HPS1: variants seen among roughly 807,000 people sequenced by gnomAD.
HPS1 encodes the protein BLOC-3 complex member HPS1.
In HPS1, 59 loss-of-function variants were observed where a neutral mutation model predicts 90.6. That is an observed-to-expected ratio of 0.65 (90% CI 0.53 to 0.81). The LOEUF (loss-of-function observed/expected upper bound fraction) is 0.81, where lower values mean the gene tolerates loss of function less well. Ranked by LOEUF, HPS1 falls within the 30% of genes least tolerant of loss-of-function variation. The pLI is 0.00. For synonymous variants in HPS1, 388 were observed against 384.4 expected (o/e 1.01, Z -0.11); for missense variants, 849 against 896.7 (o/e 0.95, Z 0.68).
chr10:98,440,416 G>A (rs1326526271), intron 3 of HPS1, among the ~76,000 whole-genome samples: 2 of 151,992 alleles, frequency 1.3e-5, no homozygotes, highest in Non-Finnish European at 2.9e-5. Flanking sequence ...GTTAAATAAA[G>A]GATGATACAC....
intron 2 of HPS1, among the ~76,000 whole-genome samples, chr10:98,443,759 G>A (rs10883096): frequency 0.12 from 18,626 of 152,174 alleles, 1,424 homozygotes; most frequent in African/African-American, 0.21. Flanking sequence ...AGGGCTGGGC[G>A]CGGTGGCTCA....
chr10:98,436,351 C>G (rs979677436), intron 3 of HPS1, among the ~76,000 whole-genome samples: 1 of 152,144 alleles, frequency 6.6e-6, no homozygotes, highest in Non-Finnish European at 1.5e-5. Flanking sequence ...GAAAATTCCT[C>G]TGATACAATG....
rs911131258 is a variant in HPS1, at chr10:98,422,182, G to A, written c.1743+187C>T. Among the ~76,000 whole-genome samples, 8 of 152,312 alleles carry A rather than the reference G, an allele frequency of 5.3e-5. No homozygotes were observed. The East Asian group carries it at 1.2e-3, about 22-fold the overall frequency. The stretch of plus-strand genomic sequence containing the variant: ...TGATGCCCAACTGATGGACCTTGCC[G>A]TTCTCTCCATTCTAGCTCATTCAAC... On this transcript the variant is annotated intron_variant, in intron 17 of 19. Transcript: ENST00000361490.
chr10:98,422,521 T>A lies in HPS1; in HGVS notation c.1599-8A>T. On this transcript the variant is annotated splice_region_variant and splice_polypyrimidine_tract_variant and intron_variant, in intron 16 of 19. Transcript: ENST00000361490. ...GGGAAGTCTTCTAGGTAGGTGAAGG[T>A]CTGAGTTAAGGTGCTTACAAGCCAG... 6.2e-7 allele frequency: 1 copy of A among 1,613,828 alleles called. No individual in the cohort carries two copies. The highest frequency in any genetic ancestry group is 8.5e-7 in the Non-Finnish European group (1 of 1,179,946).
chr10:98,421,232 A>C (rs1177929380), intron 17 of HPS1, among the ~76,000 whole-genome samples: 1 of 152,256 alleles, frequency 6.6e-6, no homozygotes, highest in Non-Finnish European at 1.5e-5. Context: ...TCAGGAAAGT[A>C]ATTTGACAAC....
intron 6 of HPS1, among the ~76,000 whole-genome samples, chr10:98,432,616 G>C (rs185206172): frequency 6.6e-6 from 1 of 152,020 alleles, no homozygotes; most frequent in Non-Finnish European, 1.5e-5. Context: ...ATATCTGTAC[G>C]TGTTCTTTTT....
At chr10:98,446,186 C>T (rs1049209931) in intron 1 of HPS1, among the ~76,000 whole-genome samples, 1 of 151,776 alleles carries the variant, frequency 6.6e-6, no homozygotes, top group African/African-American at 2.4e-5. Context: ...ACTGCTGTTA[C>T]GAGTTCGGCC....
intron 1 of HPS1, among the ~76,000 whole-genome samples, chr10:98,446,219 G>A (rs1443408326): frequency 2.0e-5 from 3 of 152,176 alleles, no homozygotes; most frequent in Non-Finnish European, 2.9e-5. Context: ...ACCCTGAGAC[G>A]GGCTCCATCA....
Position 98,443,136 on chromosome 10 carries a change from A to T in HPS1, c.105T>A (p.Asn35Lys). The T allele has an allele frequency of 6.2e-7, 1 of 1,612,488 alleles. No individual in the cohort carries two copies. The highest frequency in any genetic ancestry group is 2.2e-5 in the East Asian group (1 of 44,846). The change falls in exon 3 of 20, where the codon AAT (asparagine) becomes AAA (lysine). Residue 35 changes from asparagine to lysine, a missense_variant. Coordinates refer to ENST00000361490, the MANE Select transcript of HPS1 (RefSeq NM_000195.5). ...SLRLKFGQSE[N>K]EEEELPALED... is the part of the protein sequence containing the mutation. ...ACCCTGCACTCACCTCTTCTTCCTC[A>T]TTCTCTGACTGCCCGAACTTCAGCC...
At chr10:98,418,953 G>A (rs1265729559) in intron 18 of HPS1, among the ~76,000 whole-genome samples, 1 of 152,230 alleles carries the variant, frequency 6.6e-6, no homozygotes, top group Non-Finnish European at 1.5e-5. Flanking sequence ...CACTTCTGAG[G>A]GCACGGAGGA....
chr10:98,428,882 C>T (rs1335789749), intron 10 of HPS1, among the ~76,000 whole-genome samples: 3 of 151,392 alleles, frequency 2.0e-5, no homozygotes, highest in African/African-American at 7.3e-5. Context: ...TGCTCTGTCG[C>T]CCAGGCTGGA....
chr10:98,426,197 C>T (rs1845583452), intron 11 of HPS1: 1 of 567,024 alleles, frequency 1.8e-6, no homozygotes, highest in Admixed American at 3.1e-5. Flanking sequence ...TGCCCAGAGT[C>T]TGGCCCGGGT....
intron 10 of HPS1, 80 bp downstream of exon 10, chr10:98,429,493 T>C: frequency 6.2e-7 from 1 of 1,610,586 alleles, no homozygotes; most frequent in Non-Finnish European, 8.5e-7. Flanking sequence ...GGGGGTCCAC[T>C]GGAGCCTAAG....
intron 6 of HPS1, among the ~76,000 whole-genome samples, chr10:98,431,718 CA>C (rs1385174433): frequency 6.6e-6 from 1 of 152,050 alleles, no homozygotes; most frequent in African/African-American, 2.4e-5. Flanking sequence ...ACTGCATATT[CA>C]GAGGCCATGA....
At position 98,435,808 on chromosome 10, in the gene HPS1, G is replaced by A. The variant is rs771517752; in HGVS notation, c.118-36C>T. 12 of 1,613,868 alleles carry A rather than the reference G, an allele frequency of 7.4e-6. No homozygotes were observed. The South Asian group carries it at 8.8e-5, about 12-fold the overall frequency. On this transcript the variant is annotated intron_variant, in intron 3 of 19. Coordinates refer to ENST00000361490, the MANE Select transcript of HPS1 (RefSeq NM_000195.5). This position sits in a 1 kb window ranked among gnomAD's most constrained non-coding sequence, Gnocchi z 4.3. The stretch of plus-strand genomic sequence containing the variant: ...GGGGGAAAATTTCACAGCTTAGAGT[G>A]GGCCAGACACCAAGAACTAAGGAAG...
intron 3 of HPS1, among the ~76,000 whole-genome samples, chr10:98,437,799 G>A (rs1226283063): frequency 6.6e-6 from 1 of 152,088 alleles, no homozygotes. Context: ...TTTGGTGAGG[G>A]GATGACATGG....
intron 3 of HPS1, among the ~76,000 whole-genome samples, chr10:98,436,072 G>C (rs1040434251): frequency 6.6e-6 from 1 of 152,198 alleles, no homozygotes; most frequent in Non-Finnish European, 1.5e-5. Context: ...TGAACGGGGA[G>C]CTGGAAGGAA....
At chr10:98,414,656 C>A, downstream of HPS1, 1 of 187,338 alleles carries the variant, frequency 5.3e-6, no homozygotes, top group Non-Finnish European at 1.1e-5. Context: ...CTTTCCAACC[C>A]TTACAAACCA....
intron 6 of HPS1, among the ~76,000 whole-genome samples, chr10:98,432,977 G>T (rs1027312288): frequency 2.6e-5 from 4 of 152,176 alleles, no homozygotes; most frequent in African/African-American, 9.7e-5. Flanking sequence ...GCTCATGCCT[G>T]TAATCCCAGC....
Sources: allele counts gnomAD v4.1 joint callset (sites outside exome capture counted in the v4.1 genomes callset), GRCh38; gene constraint gnomAD v4.1.1; non-coding constraint Gnocchi (gnomAD v3.1); transcripts MANE v1.5; gene names NCBI Gene and HGNC (gene_info 2026-07-23, HGNC 2026-07-21).